The following INPP4B variants were observed in gnomAD, a reference collection of about 807,000 sequenced individuals.
INPP4B encodes the protein inositol polyphosphate 4-phosphatase type II.
A neutral mutation model predicts 122.5 loss-of-function variants in INPP4B; 55 were observed. The ratio of observed to expected loss-of-function variants is 0.45; its 90% CI spans 0.36 to 0.56. The LOEUF (loss-of-function observed/expected upper bound fraction) is 0.56, where lower values mean the gene tolerates loss of function less well. Ranked by LOEUF, INPP4B falls within the 20% of genes least tolerant of loss-of-function variation. INPP4B has a pLI of 0.00. For missense variants in INPP4B, 1,000 were observed against 1,097.7 expected (o/e 0.91, Z 1.26); for synonymous variants, 403 against 388.7 (o/e 1.04, Z -0.43).
At chr4:142,325,193 C>A (rs1240234522) in intron 7 of INPP4B, among the ~76,000 whole-genome samples, 1 of 152,180 alleles carries the variant, frequency 6.6e-6, no homozygotes, top group Non-Finnish European at 1.5e-5. Flanking sequence ...TCCCACCTAC[C>A]ACATCCTACC....
At chr4:142,118,734 G>T (rs4493621) in intron 21 of INPP4B, among the ~76,000 whole-genome samples, 130,420 of 143,244 alleles carry the variant, frequency 0.91, 60,220 homozygotes, top group East Asian at 0.99. Flanking sequence ...ATAGGCATGG[G>T]CAAGGACTTC....
chr4:142,284,530 G>T (rs1752637948), intron 9 of INPP4B, among the ~76,000 whole-genome samples: 1 of 152,124 alleles, frequency 6.6e-6, no homozygotes, highest in African/African-American at 2.4e-5. Context: ...AGATAAATCA[G>T]CTGATAGGTT....
intron 2 of INPP4B, among the ~76,000 whole-genome samples, chr4:142,725,142 A>C (rs1322151276): frequency 6.6e-6 from 1 of 152,164 alleles, no homozygotes; most frequent in Non-Finnish European, 1.5e-5. Flanking sequence ...ATCTGCAGCC[A>C]TACTCACACT....
intron 2 of INPP4B, among the ~76,000 whole-genome samples, chr4:142,671,867 T>C (rs1304736396): frequency 6.6e-6 from 1 of 152,158 alleles, no homozygotes; most frequent in Non-Finnish European, 1.5e-5. Flanking sequence ...AATCAAGATA[T>C]AGAACAATTC....
At chr4:142,593,666 G>T (rs1305953421) in intron 2 of INPP4B, among the ~76,000 whole-genome samples, 1 of 151,980 alleles carries the variant, frequency 6.6e-6, no homozygotes, top group Non-Finnish European at 1.5e-5. Flanking sequence ...CTAGAATACA[G>T]CATGCTTTCC....
At chr4:142,314,659 T>C (rs369358845) in intron 8 of INPP4B, 53 bp downstream of exon 8, 20 of 1,523,410 alleles carry the variant, frequency 1.3e-5, no homozygotes, top group Non-Finnish European at 1.8e-5. Context: ...AAAATCCAAA[T>C]GATTAATTTA....
At chr4:142,482,219 C>T (rs549324156) in intron 2 of INPP4B, among the ~76,000 whole-genome samples, 2 of 152,240 alleles carry the variant, frequency 1.3e-5, no homozygotes, top group East Asian at 3.9e-4. Context: ...CTTCTCTTCC[C>T]TTCTTACTCA....
intron 3 of INPP4B, among the ~76,000 whole-genome samples, chr4:142,453,837 T>C (rs1048134400): frequency 2.0e-5 from 3 of 152,034 alleles, no homozygotes; most frequent in Non-Finnish European, 4.4e-5. Flanking sequence ...TCGAACTGGG[T>C]GGAATATCTA....
chr4:142,193,282 A>C, intron 14 of INPP4B, 87 bp from the exon 15 acceptor site: 1 of 700,752 alleles, frequency 1.4e-6, no homozygotes, highest in Non-Finnish European at 2.5e-6. Flanking sequence ...CTATTGTAGG[A>C]AGTATGAGAA....
At chr4:142,548,161 A>G (rs1727064438) in intron 2 of INPP4B, among the ~76,000 whole-genome samples, 1 of 152,164 alleles carries the variant, frequency 6.6e-6, no homozygotes, top group African/African-American at 2.4e-5. Context: ...AGAGGCAGAC[A>G]TCTCTTTGGA....
intron 25 of INPP4B, among the ~76,000 whole-genome samples, chr4:142,049,500 T>G (rs1455959012): frequency 1.3e-5 from 2 of 152,034 alleles, no homozygotes; most frequent in African/African-American, 4.8e-5. Context: ...GAAATAGAAA[T>G]CTAATACAAA....
At chr4:142,095,615 A>G (rs1025218964) in intron 23 of INPP4B, among the ~76,000 whole-genome samples, 2 of 152,198 alleles carry the variant, frequency 1.3e-5, no homozygotes, top group Non-Finnish European at 2.9e-5. Context: ...GAGCTCACCT[A>G]TAGGAGCATT....
intron 3 of INPP4B, among the ~76,000 whole-genome samples, chr4:142,432,105 G>A (rs775970793): frequency 6.6e-6 from 1 of 152,064 alleles, no homozygotes; most frequent in Non-Finnish European, 1.5e-5. Flanking sequence ...CATACAGACA[G>A]CCTCAAATAC....
At chr4:142,311,048 C>T (rs1192445627) in intron 8 of INPP4B, among the ~76,000 whole-genome samples, 2 of 152,002 alleles carry the variant, frequency 1.3e-5, no homozygotes, top group Admixed American at 6.6e-5. Flanking sequence ...ATCTAAACTC[C>T]TTTAAAAAAA....
intron 9 of INPP4B, chr4:142,287,118 A>C (rs973304738): frequency 6.6e-6 from 1 of 152,148 alleles, no homozygotes; most frequent in Non-Finnish European, 1.5e-5. Context: ...ATTGAGAAAA[A>C]TGTTTCCTAC....
intron 9 of INPP4B, among the ~76,000 whole-genome samples, chr4:142,293,497 G>A (rs1757319076): frequency 6.6e-6 from 1 of 151,744 alleles, no homozygotes; most frequent in Admixed American, 6.6e-5. Context: ...TATTACTTCC[G>A]TCTTATTCTA....
At chr4:142,762,819 C>T (rs1486058273) in intron 1 of INPP4B, among the ~76,000 whole-genome samples, 3 of 152,070 alleles carry the variant, frequency 2.0e-5, no homozygotes, top group African/African-American at 7.2e-5. Flanking sequence ...AACTTGATTG[C>T]CAATGTGATA....
chr4:142,790,166 C>T (rs1776340024), intron 1 of INPP4B, among the ~76,000 whole-genome samples: 1 of 152,084 alleles, frequency 6.6e-6, no homozygotes, highest in Non-Finnish European at 1.5e-5. Flanking sequence ...TAGACATGGG[C>T]TTAGGCAACA....
intron 2 of INPP4B, among the ~76,000 whole-genome samples, chr4:142,522,347 C>G (rs10022949): frequency 8.7e-6 from 1 of 115,556 alleles, no homozygotes; most frequent in African/African-American, 3.3e-5. Flanking sequence ...CCCCGCCCCC[C>G]ACCCCGAGAC....
Sources: gnomAD v4.1 joint callset for allele counts (sites outside exome capture counted in the v4.1 genomes callset) on GRCh38, gnomAD v4.1.1 for gene constraint, MANE v1.5 for transcripts, NCBI Gene and HGNC (gene_info 2026-07-23, HGNC 2026-07-21) for gene names.